Variants in TMEM132B observed in about 807,000 individuals in gnomAD.
TMEM132B encodes transmembrane protein 132B.
A neutral mutation model predicts 90.8 loss-of-function variants in TMEM132B; 18 were observed. That is an observed-to-expected ratio of 0.20 (90% CI 0.14 to 0.29). TMEM132B has a LOEUF of 0.29. TMEM132B is among the 10% of genes least tolerant of loss of function. The pLI is 1.00. For missense variants in TMEM132B, 1,096 were observed against 1,326.8 expected (o/e 0.83, Z 2.70); for synonymous variants, 504 against 523.3 (o/e 0.96, Z 0.50).
chr12:125,238,204 G>A (rs1400711649), intron 1 of TMEM132B, among the ~76,000 whole-genome samples: 3 of 151,114 alleles, frequency 2.0e-5, no homozygotes, highest in East Asian at 1.9e-4. Flanking sequence ...TCAAGTGGTC[G>A]CCTCTGTTTG....
intron 1 of TMEM132B, among the ~76,000 whole-genome samples, chr12:125,261,101 A>C (rs1169014745): frequency 6.6e-6 from 1 of 152,150 alleles, no homozygotes; most frequent in African/African-American, 2.4e-5. Context: ...TTTCCAGTGC[A>C]ATGAAACTTG....
chr12:125,212,792 C>T (rs1336207996), intron 1 of TMEM132B, among the ~76,000 whole-genome samples: 1 of 152,210 alleles, frequency 6.6e-6, no homozygotes, highest in East Asian at 1.9e-4. Context: ...CCCTCTTTCA[C>T]ATACTTAGAA....
At chr12:125,227,357 A>T (rs1489303802) in intron 1 of TMEM132B, among the ~76,000 whole-genome samples, 1 of 152,250 alleles carries the variant, frequency 6.6e-6, no homozygotes, top group East Asian at 1.9e-4. Flanking sequence ...CATTTTATAG[A>T]TGGGGAAAAT....
intron 1 of TMEM132B, among the ~76,000 whole-genome samples, chr12:125,218,393 C>T (rs1873486290): frequency 6.6e-6 from 1 of 152,132 alleles, no homozygotes; most frequent in African/African-American, 2.4e-5. Context: ...ATTTTTGTCT[C>T]TTTGTCCTTG....
chr12:125,407,057 C>T lies in TMEM132B; in HGVS notation c.960-8474C>T. 6.6e-6 allele frequency among the ~76,000 whole-genome samples: 1 copy of T among 152,148 alleles called. No homozygotes were observed. The highest frequency in any genetic ancestry group is 1.9e-4 in the East Asian group (1 of 5,182). On this transcript the variant is annotated intron_variant, in intron 2 of 8. Coordinates refer to ENST00000682704, the MANE Select transcript of TMEM132B (RefSeq NM_001366854.1). The surrounding 1 kb of genome is among the most constrained non-coding windows in gnomAD (Gnocchi z 6.7). ...GGGGAGCTCACCCAAGCTTGGTGTCCAGAGCTTTTTTTGGAACTTGGTCAC... is the reference window on the plus strand; with the variant it reads ...GGGGAGCTCACCCAAGCTTGGTGTCTAGAGCTTTTTTTGGAACTTGGTCAC...
intron 1 of TMEM132B, among the ~76,000 whole-genome samples, chr12:125,236,646 C>T (rs939735001): frequency 2.0e-5 from 3 of 152,224 alleles, no homozygotes; most frequent in Non-Finnish European, 4.4e-5. Flanking sequence ...GCCCCTGGGA[C>T]AGAGTCCTGG....
chr12:125,208,098 A>G (rs1873225101), intron 1 of TMEM132B, among the ~76,000 whole-genome samples: 1 of 152,194 alleles, frequency 6.6e-6, no homozygotes, highest in South Asian at 2.1e-4. Context: ...TTCATTGAAC[A>G]GTTGGGGAAA....
chr12:125,318,204 A>G (rs1165072224), intron 1 of TMEM132B, among the ~76,000 whole-genome samples: 6 of 152,130 alleles, frequency 3.9e-5, no homozygotes, highest in African/African-American at 1.4e-4. Context: ...AACTCACAAC[A>G]TGGTGAACCC....
At chr12:125,384,689 C>T (rs963850773) in intron 2 of TMEM132B, among the ~76,000 whole-genome samples, 4 of 152,128 alleles carry the variant, frequency 2.6e-5, no homozygotes, top group East Asian at 1.9e-4. Context: ...CTTACTCTGT[C>T]GCTCAGGCTG....
At chr12:125,204,036 A>T (rs1873126495) in intron 1 of TMEM132B, among the ~76,000 whole-genome samples, 1 of 152,264 alleles carries the variant, frequency 6.6e-6, no homozygotes, top group Non-Finnish European at 1.5e-5. Context: ...TGGAGCGGTT[A>T]GGTCAGTGGA....
At position 125,396,977 on chromosome 12, in the gene TMEM132B, C is replaced by CT. The variant is rs538463146; in HGVS notation, c.960-18542dup. Among the ~76,000 whole-genome samples, 291 of 144,316 alleles carry CT rather than the reference C, an allele frequency of 2.0e-3. 1 individual carries two copies. The highest frequency in any genetic ancestry group is 4.1e-3 in the African/African-American group (164 of 39,762). 94.7% of individuals were successfully genotyped at this position (144,316 alleles called of 152,430 possible). A position where few individuals can be genotyped will look rare whatever the true frequency, so the allele number is the denominator to read the frequency against. ...CTACAGTGGTCTTAACTTCACTATT[C>CT]TTTTTTTTTTTTGAGACAGAGCCTT... On this transcript the variant is annotated intron_variant, in intron 2 of 8. Coordinates refer to ENST00000682704, the MANE Select transcript of TMEM132B (RefSeq NM_001366854.1).
In TMEM132B at chr12:125,432,550, G is replaced by GAT. The variant is rs1387925546; in HGVS notation, c.1106+16874_1106+16875insTA. On this transcript the variant is annotated intron_variant, in intron 3 of 8. Coordinates refer to ENST00000682704, the MANE Select transcript of TMEM132B (RefSeq NM_001366854.1). Reference sequence around the variant, plus strand: ...ATATAGAGAGAGAGAGAGAGAGAGAGAGAGAGAGAGAGAGAGAAAGAGAGT... The same window carrying GAT: ...ATATAGAGAGAGAGAGAGAGAGAGAGATAGAGAGAGAGAGAGAGAAAGAGAGT... 2.4e-4 allele frequency among the ~76,000 whole-genome samples: 31 copies of GAT among 131,156 alleles called. 5 individuals carry two copies. The highest frequency in any genetic ancestry group is 8.9e-4 in the East Asian group (4 of 4,510). 86.0% of individuals were successfully genotyped at this position (131,156 alleles called of 152,430 possible).
chr12:125,610,063 T>C, intron 5 of TMEM132B, among the ~76,000 whole-genome samples: 1 of 152,136 alleles, frequency 6.6e-6, no homozygotes, highest in East Asian at 1.9e-4. Flanking sequence ...AGAAATACTA[T>C]TTATATTTGT....
intron 1 of TMEM132B, among the ~76,000 whole-genome samples, chr12:125,280,869 G>A (rs999501606): frequency 6.6e-6 from 1 of 152,186 alleles, no homozygotes; most frequent in African/African-American, 2.4e-5. Context: ...GGAAGATTTG[G>A]GAGTTGAGAG....
chr12:125,432,409 GTATATATATA>G (rs1193466923), intron 3 of TMEM132B, among the ~76,000 whole-genome samples: 2 of 11,820 alleles, frequency 1.7e-4, no homozygotes, highest in African/African-American at 3.1e-4. Flanking sequence ...GTATGTATGT[GTATATATATA>G]TATGTATGTG....
At chr12:125,223,579 A>G (rs1873606704) in intron 1 of TMEM132B, among the ~76,000 whole-genome samples, 1 of 152,238 alleles carries the variant, frequency 6.6e-6, no homozygotes, top group Non-Finnish European at 1.5e-5. Context: ...AATATTTAAA[A>G]TATTTTGCAA....
intron 3 of TMEM132B, among the ~76,000 whole-genome samples, chr12:125,502,234 C>T (rs1386576988): frequency 6.6e-6 from 1 of 152,192 alleles, no homozygotes; most frequent in East Asian, 1.9e-4. Context: ...ATCTCTCTCC[C>T]CATCACTTTA....
chr12:125,432,688 A>G (rs1880577496), intron 3 of TMEM132B, among the ~76,000 whole-genome samples: 2 of 151,532 alleles, frequency 1.3e-5, no homozygotes, highest in South Asian at 4.2e-4. Context: ...TTCATTTTTG[A>G]TATATCAACT....
intron 3 of TMEM132B, among the ~76,000 whole-genome samples, chr12:125,467,444 T>C (rs1881594870): frequency 6.7e-6 from 1 of 148,356 alleles, no homozygotes; most frequent in East Asian, 2.0e-4. Flanking sequence ...CCCCACCCTC[T>C]TCTTCTTCTC....
Sources: allele counts gnomAD v4.1 joint callset (sites outside exome capture counted in the v4.1 genomes callset), GRCh38; gene constraint gnomAD v4.1.1; non-coding constraint Gnocchi (gnomAD v3.1); transcripts MANE v1.5; gene names NCBI Gene and HGNC (gene_info 2026-07-23, HGNC 2026-07-21).